Variants in AHCYL2 observed in about 807,000 individuals in gnomAD.
AHCYL2 encodes adenosylhomocysteinase like 2.
AHCYL2 carries 28 observed loss-of-function variants against 81.4 expected under a neutral mutation model. The observed-to-expected ratio is 0.34, with a 90% CI of 0.25 to 0.47. AHCYL2 has a LOEUF of 0.47. Among genes scored for constraint, AHCYL2 ranks in the 20% least tolerant of loss-of-function variants. AHCYL2 has a pLI of 1.00. For synonymous variants in AHCYL2, 272 were observed against 290.2 expected (o/e 0.94, Z 0.64); for missense variants, 551 against 785.1 (o/e 0.70, Z 3.56).
intron 1 of AHCYL2, chr7:129,377,734 C>G (rs1158528656): frequency 2.6e-6 from 1 of 386,660 alleles, no homozygotes; most frequent in African/African-American, 2.1e-5. Context: ...GTTATTAGTT[C>G]AATAAATTGT....
At chr7:129,382,243 CA>C (rs1460013634) in intron 2 of AHCYL2, among the ~76,000 whole-genome samples, 2 of 152,216 alleles carry the variant, frequency 1.3e-5, no homozygotes, top group African/African-American at 4.8e-5. Context: ...CTAAATATGA[CA>C]AGACATATAT....
At chr7:129,354,911 G>A (rs746298375) in intron 1 of AHCYL2, among the ~76,000 whole-genome samples, 2 of 152,158 alleles carry the variant, frequency 1.3e-5, no homozygotes, top group Non-Finnish European at 2.9e-5. Context: ...AGTGAACACA[G>A]CAGCACAGTC....
At chr7:129,391,626 G>A (rs551716091) in intron 4 of AHCYL2, among the ~76,000 whole-genome samples, 22 of 152,268 alleles carry the variant, frequency 1.4e-4, no homozygotes, top group East Asian at 5.8e-4. Context: ...GACCACTATC[G>A]GGAAATTGTT....
rs1252979148 is a variant in AHCYL2 at position 129,428,145 on chromosome 7, C to G, written c.*1100C>G. The G allele has an allele frequency of 6.6e-6, 1 of 152,196 alleles. No individual in the cohort carries two copies. The highest frequency in any genetic ancestry group is 2.4e-5 in the African/African-American group (1 of 41,440). 9.4% of individuals were successfully genotyped at this position (152,196 alleles called of 1,614,324 possible). ...ACAGAGATGAAATTGTAAACTGTAT[C>G]CAGATTATCAAAGCTAATTTGACTA... is the stretch of plus-strand genomic sequence containing the variant. On this transcript the variant is annotated 3_prime_UTR_variant, in exon 17 of 17. Coordinates refer to ENST00000325006, the MANE Select transcript of AHCYL2 (RefSeq NM_015328.4).
At chr7:129,310,535 A>C (rs1046122785) in intron 1 of AHCYL2, among the ~76,000 whole-genome samples, 1 of 152,176 alleles carries the variant, frequency 6.6e-6, no homozygotes, top group Non-Finnish European at 1.5e-5. Context: ...TCCAAAAAGA[A>C]GAGAGTTTTT....
chr7:129,251,165 C>T (rs1432341050), intron 1 of AHCYL2, among the ~76,000 whole-genome samples: 1 of 152,132 alleles, frequency 6.6e-6, no homozygotes, highest in Non-Finnish European at 1.5e-5. Flanking sequence ...CATCCTTCTC[C>T]ATTTGGATGG....
chr7:129,310,697 A>T (rs1393079840), intron 1 of AHCYL2, among the ~76,000 whole-genome samples: 1 of 152,310 alleles, frequency 6.6e-6, no homozygotes, highest in African/African-American at 2.4e-5. Flanking sequence ...TTTGTAGGGA[A>T]GCAAAACAAG....
In AHCYL2 at chr7:129,298,736, A is replaced by G. The variant is rs556962800; in HGVS notation, c.363+73297A>G. Among the ~76,000 whole-genome samples the G allele has an allele frequency of 2.6e-5, 4 of 152,324 alleles. No homozygotes were observed. The South Asian group carries it at 8.3e-4, about 32-fold the overall frequency. On this transcript the variant is annotated intron_variant, in intron 1 of 16. Coordinates refer to ENST00000325006, the MANE Select transcript of AHCYL2 (RefSeq NM_015328.4). ...TGTCATTCTACCAAGTGATTTGTCTATTTTATGTATTATATTAAACTGTTT... is the reference window on the plus strand; with the variant it reads ...TGTCATTCTACCAAGTGATTTGTCTGTTTTATGTATTATATTAAACTGTTT...
intron 5 of AHCYL2, 88 bp from the exon 6 acceptor site, chr7:129,400,202 T>C (rs1268472496): frequency 8.5e-7 from 1 of 1,171,038 alleles, no homozygotes; most frequent in Non-Finnish European, 1.3e-6. Context: ...GAGTTGGAAA[T>C]TAGGAAAAAC....
chr7:129,262,325 A>G (rs1795670045), intron 1 of AHCYL2, among the ~76,000 whole-genome samples: 1 of 152,262 alleles, frequency 6.6e-6, no homozygotes, highest in Non-Finnish European at 1.5e-5. Context: ...AGGAGGAGTC[A>G]TGAATATTTA....
At chr7:129,375,100 A>G (rs576076052) in intron 1 of AHCYL2, among the ~76,000 whole-genome samples, 12 of 152,310 alleles carry the variant, frequency 7.9e-5, no homozygotes, top group African/African-American at 2.4e-4. Flanking sequence ...ATGAACACAC[A>G]TTTTGTGAAA....
intron 1 of AHCYL2, among the ~76,000 whole-genome samples, chr7:129,303,856 G>A (rs558844142): frequency 2.6e-5 from 4 of 152,128 alleles, no homozygotes; most frequent in African/African-American, 7.2e-5. Flanking sequence ...AGGCTGAGGC[G>A]GGTGAATTGC....
intron 1 of AHCYL2, among the ~76,000 whole-genome samples, chr7:129,344,420 A>G (rs910907355): frequency 5.3e-5 from 8 of 152,240 alleles, no homozygotes; most frequent in Non-Finnish European, 1.2e-4. Flanking sequence ...GTAAAAAAGA[A>G]TGAACTACTC....
At chr7:129,321,743 G>GT in intron 1 of AHCYL2, among the ~76,000 whole-genome samples, 13,964 of 77,304 alleles carry the variant, frequency 0.18, 1,249 homozygotes, top group East Asian at 0.31. Context: ...TTCTTTCTTT[G>GT]TTTTTTTTTT....
chr7:129,242,983 C>T (rs1165095335), intron 1 of AHCYL2, among the ~76,000 whole-genome samples: 1 of 151,090 alleles, frequency 6.6e-6, no homozygotes, highest in Non-Finnish European at 1.5e-5. Flanking sequence ...CTGTTGGGAT[C>T]CCAGTGGCGT....
intron 1 of AHCYL2, among the ~76,000 whole-genome samples, chr7:129,355,872 A>G (rs932203660): frequency 4.0e-4 from 61 of 152,194 alleles, no homozygotes; most frequent in African/African-American, 1.5e-3. Context: ...TTTGACTTCA[A>G]TGGGGAAAGG....
At chr7:129,287,873 T>C (rs1796691952) in intron 1 of AHCYL2, among the ~76,000 whole-genome samples, 1 of 152,232 alleles carries the variant, frequency 6.6e-6, no homozygotes, top group African/African-American at 2.4e-5. Context: ...TCAACAATTG[T>C]GAATTCATGG....
At position 129,406,193 on chromosome 7, in the gene AHCYL2, G is replaced by C. The variant is rs2150940258; in HGVS notation, c.1207-185G>C. Among the ~76,000 whole-genome samples, 1 of 152,188 alleles carries C rather than the reference G, an allele frequency of 6.6e-6. No homozygotes were observed. Among genetic ancestry groups the C allele is most frequent in the East Asian group, 1.9e-4 (1 of 5,178 alleles). ...GTTCTTGTGCACATGAATGCGATAAGCAGGAGCCAGGGGTTTGTTTATGAG... is the reference window on the plus strand; with the variant it reads ...GTTCTTGTGCACATGAATGCGATAACCAGGAGCCAGGGGTTTGTTTATGAG... On this transcript the variant is annotated intron_variant, in intron 9 of 16. Coordinates refer to ENST00000325006, the MANE Select transcript of AHCYL2 (RefSeq NM_015328.4). The surrounding 1 kb of genome is among the most constrained non-coding windows in gnomAD (Gnocchi z 4.3).
At chr7:129,410,142 A>G in intron 11 of AHCYL2, 1 of 1,591,188 alleles carries the variant, frequency 6.3e-7, no homozygotes, top group Admixed American at 1.7e-5. Flanking sequence ...AATTGAGATG[A>G]ACGATTATTG....
Sources: gnomAD v4.1 joint callset for allele counts (sites outside exome capture counted in the v4.1 genomes callset) on GRCh38, gnomAD v4.1.1 for gene constraint, Gnocchi (gnomAD v3.1) non-coding constraint, MANE v1.5 for transcripts, NCBI Gene and HGNC (gene_info 2026-07-23, HGNC 2026-07-21) for gene names.